Variants in SLC35F1 observed in about 807,000 individuals in gnomAD.
SLC35F1 encodes solute carrier family 35 member F1.
SLC35F1 carries 14 observed loss-of-function variants against 48.7 expected under a neutral mutation model. The ratio of observed to expected loss-of-function variants is 0.29; its 90% confidence interval spans 0.19 to 0.45. SLC35F1 has a LOEUF of 0.45. Among genes scored for constraint, SLC35F1 ranks in the 20% least tolerant of loss-of-function variants. SLC35F1 has a pLI of 1.00. For missense variants in SLC35F1, 404 were observed against 500.0 expected (o/e 0.81, Z 1.83); for synonymous variants, 190 against 202.2 (o/e 0.94, Z 0.51).
intron 4 of SLC35F1, among the ~76,000 whole-genome samples, chr6:118,269,484 G>C (rs1775822891): frequency 6.6e-6 from 1 of 151,978 alleles, no homozygotes; most frequent in Non-Finnish European, 1.5e-5. Flanking sequence ...ATTATGATTG[G>C]ACATGCTCTG....
chr6:118,045,753 T>A (rs1457992401), intron 1 of SLC35F1, among the ~76,000 whole-genome samples: 1 of 152,216 alleles, frequency 6.6e-6, no homozygotes, highest in Non-Finnish European at 1.5e-5. Context: ...TAGATGACGC[T>A]GATGAAGTTA....
At chr6:118,205,263 C>G (rs898820941) in intron 2 of SLC35F1, among the ~76,000 whole-genome samples, 3 of 152,134 alleles carry the variant, frequency 2.0e-5, no homozygotes, top group Admixed American at 2.0e-4. Flanking sequence ...GGAGGTAAAG[C>G]AGCCCTTTAA....
At chr6:118,111,918 T>C (rs930577995) in intron 1 of SLC35F1, among the ~76,000 whole-genome samples, 3 of 152,158 alleles carry the variant, frequency 2.0e-5, no homozygotes, top group African/African-American at 7.2e-5. Flanking sequence ...TGGGACTTGC[T>C]GGGCTGCATT....
rs1582566182 is a variant in SLC35F1, at chr6:117,924,567, T to C, written c.173+16668T>C. Among the ~76,000 whole-genome samples the C allele has an allele frequency of 3.4e-5, 5 of 146,026 alleles. 1 individual carries two copies. The highest frequency in any genetic ancestry group is 3.3e-4 in the Admixed American group (5 of 14,948). ...CCATATATATGTGTATTTATATATA[T>C]TTAAAGTTTCTGTTAACCTAGTTGG... On this transcript the variant is annotated intron_variant, in intron 1 of 7. Coordinates refer to ENST00000360388, the MANE Select transcript of SLC35F1 (RefSeq NM_001029858.4).
chr6:118,301,546 G>T (rs552953709), intron 7 of SLC35F1, among the ~76,000 whole-genome samples: 68 of 152,196 alleles, frequency 4.5e-4, no homozygotes, highest in African/African-American at 1.5e-3. Context: ...AAATTTATTT[G>T]TAGAAAAAAT....
At chr6:118,098,783 T>C (rs1337708740) in intron 1 of SLC35F1, among the ~76,000 whole-genome samples, 2 of 152,318 alleles carry the variant, frequency 1.3e-5, no homozygotes, top group South Asian at 2.1e-4. Context: ...AAGGGTACTA[T>C]TGATGTGAAA....
chr6:118,089,624 A>T (rs1773043464), intron 1 of SLC35F1, among the ~76,000 whole-genome samples: 1 of 152,192 alleles, frequency 6.6e-6, no homozygotes, highest in Non-Finnish European at 1.5e-5. Context: ...ACACACACAA[A>T]GAGGCCTCAA....
At chr6:118,035,272 A>C (rs1363629867) in intron 1 of SLC35F1, among the ~76,000 whole-genome samples, 1 of 151,994 alleles carries the variant, frequency 6.6e-6, no homozygotes, top group African/African-American at 2.4e-5. Context: ...TCCTTAATCA[A>C]TGTACTCGGG....
At chr6:118,202,270 G>A (rs1268955836) in intron 2 of SLC35F1, among the ~76,000 whole-genome samples, 1 of 152,090 alleles carries the variant, frequency 6.6e-6, no homozygotes, top group Non-Finnish European at 1.5e-5. Context: ...TGATGCAGGA[G>A]GATTGCTTGA....
At chr6:117,954,417 G>A (rs1299130427) in intron 1 of SLC35F1, among the ~76,000 whole-genome samples, 1 of 152,030 alleles carries the variant, frequency 6.6e-6, no homozygotes, top group Admixed American at 6.6e-5. Flanking sequence ...CACCATGCCT[G>A]GCTAAATTTT....
chr6:118,131,133 A>T, intron 1 of SLC35F1, among the ~76,000 whole-genome samples: 1 of 151,998 alleles, frequency 6.6e-6, no homozygotes, highest in East Asian at 1.9e-4. Flanking sequence ...TTTTTTAAAA[A>T]TTTTTTCCTG....
rs1313021431 is a variant in SLC35F1 at position 118,317,560 on chromosome 6, A to T, written c.*3308A>T. 1 of 152,202 alleles carries T rather than the reference A, an allele frequency of 6.6e-6. No individual in the cohort carries two copies. The highest frequency in any genetic ancestry group is 6.5e-5 in the Admixed American group (1 of 15,288). The allele number at this position is 152,202 out of a possible 1,614,324, so 9.4% of individuals were successfully genotyped here. ...CGAACCAAAAAAAAGTTACACCGAT[A>T]AGTTCAACAAACTGTCCATTTTTGA... On this transcript the variant is annotated 3_prime_UTR_variant, in exon 8 of 8. Transcript: ENST00000360388.
At chr6:117,983,559 A>C (rs1776809769) in intron 1 of SLC35F1, among the ~76,000 whole-genome samples, 1 of 152,230 alleles carries the variant, frequency 6.6e-6, no homozygotes, top group Non-Finnish European at 1.5e-5. Flanking sequence ...CCTGGGTGAC[A>C]GAGTGAGACG....
At chr6:118,280,551 A>G (rs1016248208) in intron 6 of SLC35F1, among the ~76,000 whole-genome samples, 2 of 152,154 alleles carry the variant, frequency 1.3e-5, no homozygotes, top group East Asian at 3.9e-4. Flanking sequence ...ATGGGACTAC[A>G]GAGCAGGAAA....
chr6:118,066,851 A>G (rs989569657), intron 1 of SLC35F1, among the ~76,000 whole-genome samples: 1 of 151,634 alleles, frequency 6.6e-6, no homozygotes, highest in Non-Finnish European at 1.5e-5. Context: ...GGTAGCATGA[A>G]ACCCAACCAA....
intron 1 of SLC35F1, among the ~76,000 whole-genome samples, chr6:117,927,526 C>T (rs748857004): frequency 1.3e-5 from 2 of 152,138 alleles, no homozygotes; most frequent in Non-Finnish European, 2.9e-5. Context: ...GGAGTCTTAT[C>T]CCTGGGAGAT....
intron 1 of SLC35F1, among the ~76,000 whole-genome samples, chr6:117,935,594 C>A (rs1356193365): frequency 6.6e-6 from 1 of 152,266 alleles, no homozygotes; most frequent in Admixed American, 6.5e-5. Context: ...ACATCACAAC[C>A]TTTTGGCACC....
intron 1 of SLC35F1, among the ~76,000 whole-genome samples, chr6:117,913,356 T>C (rs2760236): frequency 7.2e-5 from 11 of 152,160 alleles, no homozygotes; most frequent in Non-Finnish European, 1.5e-5. Context: ...TCTTATGGAA[T>C]ACACACATGT....
chr6:117,935,603 C>T (rs1776154175), intron 1 of SLC35F1, among the ~76,000 whole-genome samples: 1 of 152,104 alleles, frequency 6.6e-6, no homozygotes, highest in African/African-American at 2.4e-5. Context: ...CCTTTTGGCA[C>T]CTAGGAACCA....
Sources: allele counts gnomAD v4.1 joint callset (sites outside exome capture counted in the v4.1 genomes callset), GRCh38; gene constraint gnomAD v4.1.1; transcripts MANE v1.5; gene names NCBI Gene and HGNC (gene_info 2026-07-23, HGNC 2026-07-21).